Variants in PCGF5 observed in about 807,000 individuals in gnomAD.
PCGF5 encodes polycomb group ring finger 5, also known as polycomb group RING finger protein 5.
In PCGF5, 9 loss-of-function variants were observed where a neutral mutation model predicts 44.3. That is an observed-to-expected ratio of 0.20 (90% CI 0.12 to 0.35). The LOEUF (loss-of-function observed/expected upper bound fraction) is 0.35. PCGF5 is among the 10% of genes least tolerant of loss of function. The pLI is 1.00. For missense variants in PCGF5, 146 were observed against 305.3 expected (o/e 0.48, Z 3.89); for synonymous variants, 95 against 102.5 (o/e 0.93, Z 0.44).
intron 6 of PCGF5, among the ~76,000 whole-genome samples, chr10:91,254,028 C>T (rs965192199): frequency 6.6e-6 from 1 of 151,990 alleles, no homozygotes; most frequent in Non-Finnish European, 1.5e-5. Context: ...CACCTTTTGG[C>T]CTGTACAATT....
intron 1 of PCGF5, among the ~76,000 whole-genome samples, chr10:91,194,255 G>A (rs545145668): frequency 1.2e-4 from 19 of 152,338 alleles, no homozygotes; most frequent in African/African-American, 4.6e-4. Context: ...ACAACTTTGA[G>A]ATGGAGAGAT....
At chr10:91,183,286 G>T (rs944246775) in intron 1 of PCGF5, among the ~76,000 whole-genome samples, 2 of 151,968 alleles carry the variant, frequency 1.3e-5, no homozygotes, top group African/African-American at 4.8e-5. Flanking sequence ...CCTGTGTTGG[G>T]TATATATATA....
chr10:91,200,302 G>A (rs1042425808), intron 1 of PCGF5, among the ~76,000 whole-genome samples: 1 of 152,148 alleles, frequency 6.6e-6, no homozygotes, highest in Admixed American at 6.5e-5. Flanking sequence ...CCAGAACTCT[G>A]GTATCCTGAC....
At chr10:91,191,621 T>C (rs1487406230) in intron 1 of PCGF5, among the ~76,000 whole-genome samples, 1 of 152,184 alleles carries the variant, frequency 6.6e-6, no homozygotes, top group Non-Finnish European at 1.5e-5. Context: ...ATAAGCTTTT[T>C]GGTTTCTTGG....
intron 2 of PCGF5, among the ~76,000 whole-genome samples, chr10:91,223,323 A>G (rs1844730730): frequency 6.6e-6 from 1 of 152,138 alleles, no homozygotes; most frequent in African/African-American, 2.4e-5. Flanking sequence ...TTCTTTTAGG[A>G]TATGCAGACT....
upstream of PCGF5, among the ~76,000 whole-genome samples, chr10:91,218,517 A>C (rs1183483174): frequency 2.6e-5 from 4 of 152,184 alleles, no homozygotes; most frequent in African/African-American, 9.7e-5. Flanking sequence ...GGAGAAGGAG[A>C]GGCAGCACAG....
intron 9 of PCGF5, among the ~76,000 whole-genome samples, chr10:91,272,867 G>A (rs1846213570): frequency 6.6e-6 from 1 of 152,156 alleles, no homozygotes; most frequent in African/African-American, 2.4e-5. Context: ...GAGCCAGGGA[G>A]AAAGGATAAT....
intron 2 of PCGF5, among the ~76,000 whole-genome samples, chr10:91,236,766 G>A (rs937510318): frequency 6.6e-6 from 1 of 152,112 alleles, no homozygotes; most frequent in African/African-American, 2.4e-5. Context: ...CAGTTTCACC[G>A]AGCTTCAAGC....
intron 1 of PCGF5, among the ~76,000 whole-genome samples, chr10:91,191,836 G>T (rs570391584): frequency 2.8e-4 from 42 of 152,266 alleles, no homozygotes; most frequent in African/African-American, 1.0e-3. Flanking sequence ...ATTCATGTTG[G>T]ATCCAGCCCT....
chr10:91,175,046 A>G (rs970533767), intron 1 of PCGF5, among the ~76,000 whole-genome samples: 1 of 152,226 alleles, frequency 6.6e-6, no homozygotes, highest in African/African-American at 2.4e-5. Flanking sequence ...CAGTCACTGT[A>G]TCCCTAAGAA....
chr10:91,180,803 T>C lies in PCGF5; in HGVS notation c.-184+17722T>C, dbSNP rs191270841. Among the ~76,000 whole-genome samples, 3 of 152,366 alleles carry C rather than the reference T, an allele frequency of 2.0e-5. No individual in the cohort carries two copies. In the East Asian group the frequency reaches 5.8e-4, roughly 29 times the overall value. On this transcript the variant is annotated intron_variant, in intron 1 of 9. Transcript: ENST00000614189. ...TAGCATGATGCCTCCAGCTTTGTTC[T>C]TTTTGCTTAGGATTGCCTTGGCTAT...
intron 3 of PCGF5, among the ~76,000 whole-genome samples, chr10:91,242,578 G>A (rs926018167): frequency 5.9e-5 from 9 of 152,032 alleles, no homozygotes; most frequent in Non-Finnish European, 1.0e-4. Flanking sequence ...CTTGGCTAAA[G>A]TATAACATCA....
rs142578695 is a variant in PCGF5 at position 91,282,691 on chromosome 10, A to G, written c.*4375A>G. 2 of 152,656 alleles carry G rather than the reference A, an allele frequency of 1.3e-5. No individual in the cohort carries two copies. The highest frequency in any genetic ancestry group is 4.8e-5 in the African/African-American group (2 of 41,530). The allele number at this position is 152,656 out of a possible 1,614,324, so 9.5% of individuals were successfully genotyped here. ...AAACTCATCTTATGGAGTCTTTCTG[A>G]TAGGTCACTAGGTAAAACTCCTTGG... is the stretch of plus-strand genomic sequence containing the variant. On this transcript the variant is annotated 3_prime_UTR_variant, in exon 10 of 10. Coordinates refer to ENST00000336126, the MANE Select transcript of PCGF5 (RefSeq NM_032373.5).
At chr10:91,172,124 A>G (rs1843619220) in intron 1 of PCGF5, among the ~76,000 whole-genome samples, 1 of 152,168 alleles carries the variant, frequency 6.6e-6, no homozygotes, top group Non-Finnish European at 1.5e-5. Flanking sequence ...TCTGAATCTC[A>G]GTTAATATTG....
intron 3 of PCGF5, among the ~76,000 whole-genome samples, chr10:91,242,515 C>G (rs1192765001): frequency 6.6e-6 from 1 of 152,084 alleles, no homozygotes; most frequent in Non-Finnish European, 1.5e-5. Context: ...TCTTTTGATT[C>G]TGACCATTAG....
At chr10:91,173,324 C>T (rs1371066162) in intron 1 of PCGF5, among the ~76,000 whole-genome samples, 2 of 152,112 alleles carry the variant, frequency 1.3e-5, no homozygotes, top group South Asian at 2.1e-4. Context: ...ATAATTCTGG[C>T]CAAGTGAGAT....
At chr10:91,254,015 T>C (rs1445254389) in intron 6 of PCGF5, among the ~76,000 whole-genome samples, 1 of 152,054 alleles carries the variant, frequency 6.6e-6, no homozygotes, top group African/African-American at 2.4e-5. Context: ...GCCAAAAGTT[T>C]GCCACCTTTT....
At chr10:91,204,803 G>C (rs958407727) in intron 1 of PCGF5, among the ~76,000 whole-genome samples, 1 of 152,000 alleles carries the variant, frequency 6.6e-6, no homozygotes, top group African/African-American at 2.4e-5. Context: ...AGTACTTTGG[G>C]TATTGTTTTG....
intron 1 of PCGF5, among the ~76,000 whole-genome samples, chr10:91,196,323 C>T (rs1301696992): frequency 6.6e-6 from 1 of 152,086 alleles, no homozygotes. Context: ...ATAATCAGAC[C>T]CTAATTTCAG....
Sources: allele counts gnomAD v4.1 joint callset (sites outside exome capture counted in the v4.1 genomes callset), GRCh38; gene constraint gnomAD v4.1.1; transcripts MANE v1.5; gene names NCBI Gene and HGNC (gene_info 2026-07-23, HGNC 2026-07-21).